TRAPPC9: variants seen among roughly 807,000 people sequenced by gnomAD.
TRAPPC9 encodes the protein trafficking protein particle complex subunit 9.
A neutral mutation model predicts 124.0 loss-of-function variants in TRAPPC9; 83 were observed. The ratio of observed to expected loss-of-function variants is 0.67; its 90% CI spans 0.56 to 0.80. The LOEUF (loss-of-function observed/expected upper bound fraction) is 0.80. TRAPPC9 is among the 30% of genes least tolerant of loss of function. The pLI, the probability that TRAPPC9 is intolerant of heterozygous loss-of-function variation, is 0.00. For missense variants in TRAPPC9, 1,302 were observed against 1,508.3 expected, an observed-to-expected ratio of 0.86 and a Z score of 2.27; for synonymous variants, 638 against 617.5, an observed-to-expected ratio of 1.03 and a Z score of -0.49.
chr8:140,083,410 G>A (rs1843973456), intron 17 of TRAPPC9, among the ~76,000 whole-genome samples: 2 of 152,152 alleles, frequency 1.3e-5, no homozygotes, highest in South Asian at 4.1e-4. Flanking sequence ...CGAACATTGA[G>A]TGGAATGGGA....
chr8:140,212,112 C>T (rs1232395689), intron 17 of TRAPPC9, among the ~76,000 whole-genome samples: 1 of 152,206 alleles, frequency 6.6e-6, no homozygotes, highest in Non-Finnish European at 1.5e-5. Context: ...AGCCTGCGCT[C>T]AGGACCAGCA....
At chr8:140,400,278 G>A (rs1001270052) in intron 6 of TRAPPC9, among the ~76,000 whole-genome samples, 27 of 152,210 alleles carry the variant, frequency 1.8e-4, no homozygotes, top group Non-Finnish European at 1.5e-5. Context: ...AAAGCGATTG[G>A]TGTGGCTGAG....
intron 17 of TRAPPC9, among the ~76,000 whole-genome samples, chr8:140,143,654 T>C (rs761350285): frequency 6.6e-6 from 1 of 152,246 alleles, no homozygotes; most frequent in Non-Finnish European, 1.5e-5. Context: ...TACATTATCT[T>C]CTAAAATTTT....
At chr8:140,197,483 G>A (rs2062696837) in intron 17 of TRAPPC9, among the ~76,000 whole-genome samples, 2 of 152,174 alleles carry the variant, frequency 1.3e-5, no homozygotes, top group South Asian at 2.1e-4. Context: ...GGCTGAATTC[G>A]AACCCCGGGG....
intron 3 of TRAPPC9, among the ~76,000 whole-genome samples, chr8:140,436,558 G>A (rs1264873077): frequency 6.6e-6 from 1 of 152,148 alleles, no homozygotes; most frequent in Non-Finnish European, 1.5e-5. Context: ...TAAGTAGCTT[G>A]TGGACAACTC....
intron 15 of TRAPPC9, among the ~76,000 whole-genome samples, chr8:140,268,095 GAC>G (rs2064745218): frequency 6.6e-6 from 1 of 152,018 alleles, no homozygotes; most frequent in Admixed American, 6.6e-5. Context: ...ACATTTTAGA[GAC>G]AGTTAAAGAA....
intron 9 of TRAPPC9, among the ~76,000 whole-genome samples, chr8:140,357,151 A>G (rs74938177): frequency 0.036 from 5,467 of 152,220 alleles, 207 homozygotes; most frequent in African/African-American, 0.098. Flanking sequence ...GTGCAGGAAG[A>G]AAGAGAGCAG....
intron 15 of TRAPPC9, among the ~76,000 whole-genome samples, chr8:140,255,257 C>A (rs552610647): frequency 6.6e-6 from 1 of 152,352 alleles, no homozygotes; most frequent in South Asian, 2.1e-4. Context: ...CTCAAATGTG[C>A]CAGACACTCC....
chr8:140,261,383 G>A (rs2064405526), intron 15 of TRAPPC9, among the ~76,000 whole-genome samples: 1 of 152,174 alleles, frequency 6.6e-6, no homozygotes, highest in Non-Finnish European at 1.5e-5. Context: ...GGAAGAAATG[G>A]TATCGGGGCT....
intron 7 of TRAPPC9, among the ~76,000 whole-genome samples, chr8:140,371,630 C>CA (rs5895640): frequency 0.71 from 108,474 of 152,136 alleles, 39,515 homozygotes; most frequent in African/African-American, 0.87. Context: ...TCAGGGTTTA[C>CA]AAAAGTTTTC....
At position 140,032,842 on chromosome 8, in the gene TRAPPC9, T is replaced by C. The variant is rs568208897; in HGVS notation, c.2557-8763A>G. 2.0e-5 allele frequency among the ~76,000 whole-genome samples: 3 copies of C among 152,346 alleles called. No individual in the cohort carries two copies. In the East Asian group the frequency reaches 5.8e-4, roughly 29 times the overall value. ...ACTGAAAGTCGAACCATGTCACATG[T>C]TAACAGCCATGCTTGAGAGAGCACT... On this transcript the variant is annotated intron_variant, in intron 17 of 22. Coordinates refer to ENST00000438773, the MANE Select transcript of TRAPPC9 (RefSeq NM_001160372.4).
intron 17 of TRAPPC9, among the ~76,000 whole-genome samples, chr8:140,177,638 G>A (rs921654283): frequency 2.0e-5 from 3 of 152,024 alleles, no homozygotes; most frequent in African/African-American, 7.2e-5. Flanking sequence ...AAACAAGCCT[G>A]CTGGAATTTC....
chr8:139,981,107 C>T lies in TRAPPC9; in HGVS notation c.2810+7619G>A, dbSNP rs180906563. On this transcript the variant is annotated intron_variant, in intron 19 of 22. Transcript: ENST00000438773. Reference sequence around the variant, plus strand: ...ATTGCTTCTCCAGGCTGAACGCAAACGTTCCTTCCCTCTGCCTATTAATCA... The same window carrying T: ...ATTGCTTCTCCAGGCTGAACGCAAATGTTCCTTCCCTCTGCCTATTAATCA... Among the ~76,000 whole-genome samples the T allele has an allele frequency of 1.2e-3, 185 of 152,342 alleles. 3 individuals carry two copies. The highest frequency in any genetic ancestry group is 3.4e-3 in the Middle Eastern group (1 of 294).
At chr8:139,977,583 A>G (rs1587393345) in intron 19 of TRAPPC9, among the ~76,000 whole-genome samples, 1 of 145,252 alleles carries the variant, frequency 6.9e-6, no homozygotes, top group Non-Finnish European at 1.5e-5. Flanking sequence ...GCGCCACTGC[A>G]CTCCAGCCTG....
intron 21 of TRAPPC9, among the ~76,000 whole-genome samples, chr8:139,828,957 G>A (rs1483525009): frequency 1.3e-5 from 2 of 152,178 alleles, no homozygotes; most frequent in Non-Finnish European, 2.9e-5. Context: ...ATATTTGTAA[G>A]ATCAAAACTT....
rs138054864 is a variant in TRAPPC9 at position 140,064,162 on chromosome 8, A to T, written c.2557-40083T>A. 5.8e-3 allele frequency among the ~76,000 whole-genome samples: 886 copies of T among 152,294 alleles called. 4 individuals are homozygous for T. Among genetic ancestry groups the T allele is most frequent in the South Asian group, 0.011 (54 of 4,824 alleles). ...GACTGTTACACTTGGCAGGAATAACAAATTTCTATGCCAATTATACACTAA... is the reference window on the plus strand; with the variant it reads ...GACTGTTACACTTGGCAGGAATAACTAATTTCTATGCCAATTATACACTAA... On this transcript the variant is annotated intron_variant, in intron 17 of 22. Transcript: ENST00000438773.
At chr8:139,965,255 A>T (rs1281879928) in intron 19 of TRAPPC9, among the ~76,000 whole-genome samples, 1 of 152,194 alleles carries the variant, frequency 6.6e-6, no homozygotes, top group Non-Finnish European at 1.5e-5. Flanking sequence ...GAAAATGACC[A>T]TTTAGGATAG....
At chr8:139,800,019 C>T (rs952570421) in intron 21 of TRAPPC9, among the ~76,000 whole-genome samples, 1 of 152,228 alleles carries the variant, frequency 6.6e-6, no homozygotes, top group African/African-American at 2.4e-5. Flanking sequence ...CAGAGGCAGT[C>T]AGATTCCACA....
In TRAPPC9 at chr8:140,021,619, A is replaced by C. The variant is rs562595418; in HGVS notation, c.2699+2318T>G. ...ATGGATGAGCTTATATCAGGGTAGT[A>C]AAAAACAGGAATTGTGCTCCATTTG... On this transcript the variant is annotated intron_variant, in intron 18 of 22. Transcript: ENST00000438773. 5.9e-5 allele frequency among the ~76,000 whole-genome samples: 9 copies of C among 152,338 alleles called. No individual in the cohort carries two copies. In the South Asian group the frequency reaches 1.9e-3, roughly 32 times the overall value.
Sources: allele counts gnomAD v4.1 joint callset (sites outside exome capture counted in the v4.1 genomes callset), GRCh38; gene constraint gnomAD v4.1.1; transcripts MANE v1.5; gene names NCBI Gene and HGNC (gene_info 2026-07-23, HGNC 2026-07-21).